NCOA1: variants seen among roughly 807,000 people sequenced by gnomAD.
NCOA1 encodes the protein Hin-2 protein.
Under a neutral mutation model 150.9 loss-of-function variants are expected in NCOA1, and 35 were observed. The ratio of observed to expected loss-of-function variants is 0.23; its 90% confidence interval spans 0.18 to 0.31. NCOA1 has a LOEUF of 0.31. NCOA1 is among the 10% of genes least tolerant of loss of function. The probability of loss-of-function intolerance (pLI) is 1.00; values close to 1 mark genes in which losing one functional copy is unlikely to be tolerated. For missense variants in NCOA1, 1,491 were observed against 1,749.3 expected (o/e 0.85, Z 2.63); for synonymous variants, 590 against 630.0 (o/e 0.94, Z 0.95).
chr2:24,594,140 A>G (rs1443061759), intron 3 of NCOA1, among the ~76,000 whole-genome samples: 1 of 152,170 alleles, frequency 6.6e-6, no homozygotes, highest in African/African-American at 2.4e-5. Flanking sequence ...AATAATTTAT[A>G]AGTGGAACAT....
intron 1 of NCOA1, among the ~76,000 whole-genome samples, chr2:24,506,194 A>G (rs892952701): frequency 6.6e-6 from 1 of 151,908 alleles, no homozygotes; most frequent in Non-Finnish European, 1.5e-5. Flanking sequence ...CATCATCATC[A>G]TCATTAGAAT....
chr2:24,649,677 A>G (rs113382147), intron 4 of NCOA1, among the ~76,000 whole-genome samples: 3 of 152,362 alleles, frequency 2.0e-5, no homozygotes, highest in African/African-American at 4.8e-5. Flanking sequence ...AATGAAGCCA[A>G]TATGAGGAAA....
intron 17 of NCOA1, among the ~76,000 whole-genome samples, chr2:24,736,360 G>A (rs1198863060): frequency 1.3e-5 from 2 of 151,902 alleles, no homozygotes; most frequent in African/African-American, 4.8e-5. Flanking sequence ...ATAATATAAA[G>A]AGAAAGTGAC....
intron 1 of NCOA1, among the ~76,000 whole-genome samples, chr2:24,557,877 G>T (rs920294407): frequency 6.6e-6 from 1 of 151,084 alleles, no homozygotes; most frequent in Non-Finnish European, 1.5e-5. Context: ...CTAACTTTGC[G>T]ATTTTTATCT....
chr2:24,544,398 G>A (rs1217616131), intron 1 of NCOA1, among the ~76,000 whole-genome samples: 2 of 152,160 alleles, frequency 1.3e-5, no homozygotes, highest in Non-Finnish European at 2.9e-5. Flanking sequence ...AAAATGTGCG[G>A]AGATGGAAGA....
At chr2:24,540,852 A>C (rs1013216819) in intron 1 of NCOA1, among the ~76,000 whole-genome samples, 1 of 152,230 alleles carries the variant, frequency 6.6e-6, no homozygotes, top group Non-Finnish European at 1.5e-5. Flanking sequence ...TTAAATATGT[A>C]GAATTAAGAA....
Position 24,714,625 on chromosome 2 carries a change from G to A in NCOA1, c.2599+3514G>A, listed in dbSNP as rs188020723. On this transcript the variant is annotated intron_variant, in intron 14 of 22. Coordinates refer to ENST00000348332, the MANE Select transcript of NCOA1 (RefSeq NM_003743.5). ...AAAAAAGAGCAATAAACATGACATA[G>A]TATTAGAAACTACTCAAATTAGAGG... Among the ~76,000 whole-genome samples, 133 of 152,092 alleles carry A rather than the reference G, an allele frequency of 8.7e-4. 1 individual carries two copies. The highest frequency in any genetic ancestry group is 2.5e-3 in the African/African-American group (104 of 41,522).
At position 24,641,152 on chromosome 2, in the gene NCOA1, T is replaced by C. The variant is rs1670199033; in HGVS notation, c.-174-2814T>C. Among the ~76,000 whole-genome samples, 4 of 151,882 alleles carry C rather than the reference T, an allele frequency of 2.6e-5. No individual in the cohort carries two copies. In the South Asian group the frequency reaches 8.3e-4, roughly 31 times the overall value. On this transcript the variant is annotated intron_variant, in intron 3 of 22. Coordinates refer to ENST00000348332, the MANE Select transcript of NCOA1 (RefSeq NM_003743.5). ...AGTGGATGCTCTAGGAATTAAAATA[T>C]ATATCCTTAATTTATAAATTTATTT... is the stretch of plus-strand genomic sequence containing the variant.
At chr2:24,670,351 C>T (rs1328460890) in intron 6 of NCOA1, among the ~76,000 whole-genome samples, 1 of 152,060 alleles carries the variant, frequency 6.6e-6, no homozygotes. Flanking sequence ...GAAAACCTGT[C>T]CATACAAAAA....
At chr2:24,744,947 G>A (rs568257619) in intron 19 of NCOA1, among the ~76,000 whole-genome samples, 2 of 152,254 alleles carry the variant, frequency 1.3e-5, no homozygotes, top group South Asian at 2.1e-4. Flanking sequence ...TAAAACCAAC[G>A]GATAACTGCA....
At chr2:24,736,871 A>G (rs761900951) in intron 17 of NCOA1, among the ~76,000 whole-genome samples, 12 of 152,140 alleles carry the variant, frequency 7.9e-5, no homozygotes, top group Non-Finnish European at 1.8e-4. Context: ...AATCACCCCT[A>G]GTTGAGAACC....
chr2:24,588,042 G>T (rs1667489930), intron 3 of NCOA1, among the ~76,000 whole-genome samples: 1 of 152,098 alleles, frequency 6.6e-6, no homozygotes, highest in African/African-American at 2.4e-5. Context: ...TCTGCAGTTG[G>T]CTTCCCGCTT....
At chr2:24,642,035 T>C (rs144245991) in intron 3 of NCOA1, among the ~76,000 whole-genome samples, 157 of 114,442 alleles carry the variant, frequency 1.4e-3, no homozygotes, top group African/African-American at 4.0e-3. Context: ...TGTGTGTGTG[T>C]GTGCGCGCGT....
At chr2:24,630,896 T>C (rs1339424056) in intron 3 of NCOA1, among the ~76,000 whole-genome samples, 2 of 152,318 alleles carry the variant, frequency 1.3e-5, no homozygotes, top group African/African-American at 2.4e-5. Context: ...AAATAAACTT[T>C]ATACATGTAT....
chr2:24,716,656 GTGCTAATCATGAAAGAAAAA>G (rs1399327473), intron 14 of NCOA1, among the ~76,000 whole-genome samples: 6 of 152,100 alleles, frequency 3.9e-5, no homozygotes, highest in African/African-American at 1.4e-4. Context: ...GACACAAAAA[GTGCTAATCATGAAAGAAAAA>G]GATTGATACA....
At chr2:24,533,745 T>C (rs888811856) in intron 1 of NCOA1, among the ~76,000 whole-genome samples, 11 of 152,226 alleles carry the variant, frequency 7.2e-5, no homozygotes, top group Non-Finnish European at 1.3e-4. Context: ...ATGGATTATG[T>C]TTATCATTTG....
rs1254257812 is a variant in NCOA1 at position 24,762,734 on chromosome 2, C to T, written c.4113C>T (p.Leu1371=). ...LRHTGLYCNQ[L]SSTDLLKTEA... Reference sequence around the variant, plus strand: ...ACACAGGCCTCTACTGCAACCAGCTCTCATCCACTGACCTTCTCAAAACAG... The same window carrying T: ...ACACAGGCCTCTACTGCAACCAGCTTTCATCCACTGACCTTCTCAAAACAG... Residue 1371 remains leucine (L), a synonymous_variant, in exon 22 of 23, where the codon CTC becomes CTT. Coordinates refer to ENST00000348332, the MANE Select transcript of NCOA1 (RefSeq NM_003743.5). 6.2e-7 allele frequency: 1 copy of T among 1,614,002 alleles called. No individual in the cohort carries two copies. The highest frequency in any genetic ancestry group is 8.5e-7 in the Non-Finnish European group (1 of 1,179,976).
intron 3 of NCOA1, among the ~76,000 whole-genome samples, chr2:24,623,626 G>A (rs56281438): frequency 5.1e-4 from 77 of 152,188 alleles, no homozygotes; most frequent in Admixed American, 1.4e-3. Flanking sequence ...GAATACCACA[G>A]ACTGGGTGGT....
intron 3 of NCOA1, among the ~76,000 whole-genome samples, chr2:24,642,943 T>C (rs1367647112): frequency 1.3e-5 from 2 of 152,178 alleles, no homozygotes; most frequent in Admixed American, 6.5e-5. Flanking sequence ...GGGAACAGAT[T>C]GCAGTTGTCA....
Sources: gnomAD v4.1 joint callset for allele counts (sites outside exome capture counted in the v4.1 genomes callset) on GRCh38, gnomAD v4.1.1 for gene constraint, MANE v1.5 for transcripts, NCBI Gene and HGNC (gene_info 2026-07-23, HGNC 2026-07-21) for gene names.